TGFBR3: variants seen among roughly 807,000 people sequenced by gnomAD.
TGFBR3 encodes transforming growth factor beta receptor 3.
A neutral mutation model predicts 87.9 loss-of-function variants in TGFBR3; 46 were observed. The observed-to-expected ratio is 0.52, with a 90% CI of 0.41 to 0.67. The LOEUF (loss-of-function observed/expected upper bound fraction) is 0.67, where lower values mean the gene tolerates loss of function less well. TGFBR3 is among the 30% of genes least tolerant of loss of function. The probability of loss-of-function intolerance (pLI) is 0.00; values close to 1 mark genes in which losing one functional copy is unlikely to be tolerated. For synonymous variants in TGFBR3, 381 were observed against 391.6 expected (o/e 0.97, Z 0.32); for missense variants, 866 against 1,041.9 (o/e 0.83, Z 2.32).
At chr1:91,864,065 A>G (rs1033415348) in intron 1 of TGFBR3, 5 of 152,254 alleles carry the variant, frequency 3.3e-5, no homozygotes, top group African/African-American at 7.2e-5. Flanking sequence ...ATGCTATTTC[A>G]GCAAATGTTA....
At chr1:91,750,174 C>T (rs1673486710) in intron 4 of TGFBR3, among the ~76,000 whole-genome samples, 1 of 152,224 alleles carries the variant, frequency 6.6e-6, no homozygotes, top group Non-Finnish European at 1.5e-5. Flanking sequence ...CTTGCGTGAA[C>T]CCTCCTGGAC....
intron 12 of TGFBR3, among the ~76,000 whole-genome samples, 196 bp from the exon 13 acceptor site, chr1:91,712,738 T>C (rs1672025818): frequency 6.6e-6 from 1 of 152,242 alleles, no homozygotes; most frequent in South Asian, 2.1e-4. Context: ...TTCAATTTGA[T>C]ATAGATGATG....
At chr1:91,890,921 G>A (rs1046667836), upstream of TGFBR3, among the ~76,000 whole-genome samples, 2 of 150,220 alleles carry the variant, frequency 1.3e-5, no homozygotes, top group Non-Finnish European at 3.0e-5. Context: ...TTTTTGAAAC[G>A]GAGTCTTGCA....
intron 3 of TGFBR3, among the ~76,000 whole-genome samples, chr1:91,759,132 A>G (rs1200406868): frequency 2.0e-5 from 3 of 152,190 alleles, no homozygotes; most frequent in Non-Finnish European, 2.9e-5. Flanking sequence ...CTTGGAAAAC[A>G]AAATCCCCTT....
At chr1:91,734,353 G>A (rs1222580015) in intron 5 of TGFBR3, among the ~76,000 whole-genome samples, 1 of 152,114 alleles carries the variant, frequency 6.6e-6, no homozygotes, top group Non-Finnish European at 1.5e-5. Context: ...AACTGACACA[G>A]GCTTCAAACG....
intron 2 of TGFBR3, among the ~76,000 whole-genome samples, chr1:91,846,039 C>A (rs1373466528): frequency 6.6e-6 from 1 of 152,194 alleles, no homozygotes; most frequent in African/African-American, 2.4e-5. Flanking sequence ...TCTGGGCTCT[C>A]TAGGTCTGCA....
chr1:91,824,086 T>C (rs1676547333), intron 2 of TGFBR3, among the ~76,000 whole-genome samples: 2 of 152,140 alleles, frequency 1.3e-5, no homozygotes, highest in South Asian at 4.1e-4. Context: ...GCCGAGACTG[T>C]ACCACTGCAC....
intron 6 of TGFBR3, 86 bp downstream of exon 6, chr1:91,729,719 G>A (rs954878993): frequency 2.6e-6 from 4 of 1,511,432 alleles, no homozygotes; most frequent in South Asian, 2.3e-5. Context: ...GGAGGGTGTA[G>A]GACGGGCTAC....
chr1:91,887,409 G>A (rs534599251), upstream of TGFBR3, among the ~76,000 whole-genome samples: 2 of 151,576 alleles, frequency 1.3e-5, no homozygotes, highest in Non-Finnish European at 2.9e-5. Context: ...ATGCCACCAC[G>A]CCCAGCTAAC....
chr1:91,903,631 G>C (rs955032717), intron 1 of TGFBR3, among the ~76,000 whole-genome samples: 1 of 151,996 alleles, frequency 6.6e-6, no homozygotes, highest in Non-Finnish European at 1.5e-5. Context: ...CAGGTACTTG[G>C]GAGGCTGAGG....
At chr1:91,826,715 T>A (rs1415900748) in intron 2 of TGFBR3, among the ~76,000 whole-genome samples, 1 of 142,178 alleles carries the variant, frequency 7.0e-6, no homozygotes, top group Non-Finnish European at 1.5e-5. Flanking sequence ...ATAAAATTAG[T>A]CATATTCCCA....
intron 16 of TGFBR3, among the ~76,000 whole-genome samples, chr1:91,688,279 T>G (rs1671156586): frequency 6.6e-6 from 1 of 152,166 alleles, no homozygotes; most frequent in Admixed American, 6.5e-5. Flanking sequence ...CTTCCCTGCC[T>G]TTGTGGCCCC....
At chr1:91,760,125 C>T (rs1389446441) in intron 3 of TGFBR3, among the ~76,000 whole-genome samples, 2 of 152,174 alleles carry the variant, frequency 1.3e-5, no homozygotes, top group African/African-American at 4.8e-5. Context: ...TTTTCAATGC[C>T]ACAAAAATAT....
chr1:91,768,878 T>G (rs1674278049), intron 3 of TGFBR3, among the ~76,000 whole-genome samples: 1 of 152,204 alleles, frequency 6.6e-6, no homozygotes, highest in Admixed American at 6.5e-5. Context: ...CACACACATT[T>G]TAAAGCATAA....
At chr1:91,829,985 G>A (rs1284194801) in intron 2 of TGFBR3, 2 of 152,110 alleles carry the variant, frequency 1.3e-5, no homozygotes, top group East Asian at 1.9e-4. Context: ...TTGGCATAGT[G>A]CACTACAACA....
At chr1:91,695,608 G>C in intron 16 of TGFBR3, 64 bp downstream of exon 16, 3 of 1,221,122 alleles carry the variant, frequency 2.5e-6, no homozygotes, top group Non-Finnish European at 3.7e-6. Flanking sequence ...ACAAAACACT[G>C]AGTGTCTATT....
chr1:91,794,091 A>G (rs1196751650), intron 3 of TGFBR3, among the ~76,000 whole-genome samples: 1 of 152,210 alleles, frequency 6.6e-6, no homozygotes, highest in African/African-American at 2.4e-5. Flanking sequence ...TCATTGAGAT[A>G]CAATTCCCAT....
Position 91,721,945 on chromosome 1 carries a change from T to C in TGFBR3, c.1075+10A>G. ...TATTTTTTACATAACTTAAAAAACT[T>C]CTAACTTACCATTATTTTCAAGCCG... On this transcript the variant is annotated intron_variant, in intron 8 of 16. Transcript: ENST00000212355. 6.2e-7 allele frequency: 1 copy of C among 1,612,328 alleles called. No homozygotes were observed. The highest frequency in any genetic ancestry group is 8.5e-7 in the Non-Finnish European group (1 of 1,179,144).
chr1:91,881,200 G>T (rs1571600613), intron 1 of TGFBR3, among the ~76,000 whole-genome samples: 1 of 152,152 alleles, frequency 6.6e-6, no homozygotes, highest in South Asian at 2.1e-4. Context: ...CAGGAAATTG[G>T]TCTTCACTTA....
Sources: allele counts gnomAD v4.1 joint callset (sites outside exome capture counted in the v4.1 genomes callset), GRCh38; gene constraint gnomAD v4.1.1; transcripts MANE v1.5; gene names NCBI Gene and HGNC (gene_info 2026-07-23, HGNC 2026-07-21).